Variants in HDAC9 observed in about 807,000 individuals in gnomAD.
HDAC9 encodes MEF-2 interacting transcription repressor (MITR) protein.
Under a neutral mutation model 139.4 loss-of-function variants are expected in HDAC9, and 41 were observed. The observed-to-expected ratio is 0.29, with a 90% CI of 0.23 to 0.38. The LOEUF is 0.38. Among genes scored for constraint, HDAC9 ranks in the 10% least tolerant of loss-of-function variants. The pLI is 1.00. For synonymous variants in HDAC9, 517 were observed against 476.2 expected (o/e 1.09, Z -1.12); for missense variants, 1,147 against 1,297.0 (o/e 0.88, Z 1.78).
intron 24 of HDAC9, among the ~76,000 whole-genome samples, chr7:18,962,428 T>C (rs1783584888): frequency 6.6e-6 from 1 of 152,138 alleles, no homozygotes; most frequent in Non-Finnish European, 1.5e-5. Context: ...AGTCTGGTTG[T>C]TGTGTTGGTG....
intron 1 of HDAC9, among the ~76,000 whole-genome samples, chr7:18,106,873 A>G (rs1353971181): frequency 6.6e-6 from 1 of 151,954 alleles, no homozygotes; most frequent in Non-Finnish European, 1.5e-5. Flanking sequence ...CTTTTTATAC[A>G]CCAGTGCTGG....
At chr7:18,506,736 A>G (rs911540372) in intron 2 of HDAC9, among the ~76,000 whole-genome samples, 1 of 152,196 alleles carries the variant, frequency 6.6e-6, no homozygotes, top group Admixed American at 6.5e-5. Context: ...TCCTAGCTTT[A>G]TTACCACAAT....
intron 2 of HDAC9, among the ~76,000 whole-genome samples, chr7:18,179,685 G>A (rs764050634): frequency 1.3e-5 from 2 of 152,082 alleles, no homozygotes; most frequent in Non-Finnish European, 2.9e-5. Context: ...TTATACAAAT[G>A]CATATTTGAA....
At chr7:18,744,689 A>T (rs1439940902) in intron 13 of HDAC9, among the ~76,000 whole-genome samples, 4 of 152,196 alleles carry the variant, frequency 2.6e-5, no homozygotes, top group African/African-American at 9.7e-5. Context: ...ACAGAAATAG[A>T]TTATATGGCT....
intron 22 of HDAC9, among the ~76,000 whole-genome samples, chr7:18,889,422 T>G (rs1235624227): frequency 6.7e-6 from 1 of 150,192 alleles, no homozygotes; most frequent in Non-Finnish European, 1.5e-5. Flanking sequence ...ATTTATTGAC[T>G]TTCATGTATG....
At chr7:18,857,025 G>A (rs192957061) in intron 21 of HDAC9, among the ~76,000 whole-genome samples, 8 of 151,886 alleles carry the variant, frequency 5.3e-5, no homozygotes, top group East Asian at 1.9e-4. Context: ...TTCTTTCTCC[G>A]ATTTCTTCAG....
At chr7:18,648,410 A>ATGTGTGTGTGTGTG (rs145105320) in intron 10 of HDAC9, 56 bp from the exon 11 acceptor site, 3 of 1,056,950 alleles carry the variant, frequency 2.8e-6, no homozygotes, top group African/African-American at 3.2e-5. Context: ...GTGTGTGTGT[A>ATGTGTGTGTGTGTG]TGTGTGTGTG....
chr7:18,705,810 A>C (rs1339690876), intron 12 of HDAC9, among the ~76,000 whole-genome samples: 2 of 143,948 alleles, frequency 1.4e-5, no homozygotes, highest in Non-Finnish European at 3.0e-5. Flanking sequence ...CCGAGATGGC[A>C]CCATTGCACT....
intron 13 of HDAC9, among the ~76,000 whole-genome samples, chr7:18,732,210 T>C (rs182243228): frequency 4.8e-4 from 73 of 152,286 alleles, no homozygotes; most frequent in Non-Finnish European, 8.8e-5. Flanking sequence ...ATTTATACTT[T>C]TGAGAATTAT....
chr7:18,344,666 A>G (rs1336380783), intron 1 of HDAC9, among the ~76,000 whole-genome samples: 1 of 151,972 alleles, frequency 6.6e-6, no homozygotes, highest in Non-Finnish European at 1.5e-5. Context: ...TTGTTTTGGC[A>G]GAAAAAAATA....
At chr7:18,439,774 C>T (rs546038274) in intron 1 of HDAC9, among the ~76,000 whole-genome samples, 1 of 152,128 alleles carries the variant, frequency 6.6e-6, no homozygotes, top group South Asian at 2.1e-4. Flanking sequence ...ATCTCTTTCT[C>T]GCTCTTCATA....
intron 12 of HDAC9, among the ~76,000 whole-genome samples, chr7:18,681,813 G>A (rs550710797): frequency 2.6e-5 from 4 of 152,034 alleles, no homozygotes; most frequent in East Asian, 3.9e-4. Flanking sequence ...CCAAGATATC[G>A]CCCCACCCTC....
chr7:18,557,990 T>A (rs949479105), intron 2 of HDAC9, among the ~76,000 whole-genome samples: 4 of 152,070 alleles, frequency 2.6e-5, no homozygotes, highest in Non-Finnish European at 4.4e-5. Context: ...TAAACATTTT[T>A]AAAAGCTGTT....
At chr7:18,190,268 T>C (rs1790248245) in intron 2 of HDAC9, among the ~76,000 whole-genome samples, 1 of 152,174 alleles carries the variant, frequency 6.6e-6, no homozygotes, top group South Asian at 2.1e-4. Context: ...TTAGCTCATA[T>C]GTGATTGTCC....
chr7:18,835,458 T>A lies in HDAC9; in HGVS notation c.2467-9T>A, dbSNP rs1253376466. ...ACTGTATTTGTCGTCTGTTTTCATT[T>A]CCCTGTAGGATGTTCACCATGGAAA... On this transcript the variant is annotated splice_polypyrimidine_tract_variant and intron_variant, in intron 19 of 25. Transcript: ENST00000686413. The A allele has an allele frequency of 1.2e-6, 2 of 1,608,460 alleles. No homozygotes were observed. The highest frequency in any genetic ancestry group is 1.7e-6 in the Non-Finnish European group (2 of 1,176,600).
At chr7:18,501,993 C>T (rs186358565) in intron 2 of HDAC9, among the ~76,000 whole-genome samples, 6 of 152,154 alleles carry the variant, frequency 3.9e-5, no homozygotes, top group Admixed American at 3.9e-4. Flanking sequence ...ATGGCAGCAG[C>T]ATTCAGGTCC....
rs536293963 is a variant in HDAC9 at position 18,378,057 on chromosome 7, AG to A, written c.-42+87543del. 5.3e-5 allele frequency among the ~76,000 whole-genome samples: 8 copies of A among 152,318 alleles called. No individual in the cohort carries two copies. The South Asian group carries it at 1.5e-3, about 28-fold the overall frequency. ...GAAATAGATGGTGTTTTAAATAATT[AG>A]TTAGCAAAATGAAGTGCTCGAAGGG... On this transcript the variant is annotated intron_variant, in intron 1 of 3. Coordinates refer to the HDAC9 transcript ENST00000413509.
chr7:18,429,127 A>C (rs1189826588), intron 1 of HDAC9: 1 of 152,104 alleles, frequency 6.6e-6, no homozygotes, highest in African/African-American at 2.4e-5. Context: ...TTGTTTTGTT[A>C]CTTGCAATCG....
At chr7:18,341,350 A>C (rs1380593737) in intron 1 of HDAC9, among the ~76,000 whole-genome samples, 1 of 151,306 alleles carries the variant, frequency 6.6e-6, no homozygotes, top group Non-Finnish European at 1.5e-5. Context: ...ATTATCTTCT[A>C]CTCTTTGGGG....
Sources: gnomAD v4.1 joint callset for allele counts (sites outside exome capture counted in the v4.1 genomes callset) on GRCh38, gnomAD v4.1.1 for gene constraint, MANE v1.5 for transcripts, NCBI Gene and HGNC (gene_info 2026-07-23, HGNC 2026-07-21) for gene names.